GALNT15: variants seen among roughly 807,000 people sequenced by gnomAD.
GALNT15 encodes polypeptide N-acetylgalactosaminyltransferase 15.
Under a neutral mutation model 66.8 loss-of-function variants are expected in GALNT15, and 67 were observed. The observed-to-expected ratio is 1.00, with a 90% CI of 0.82 to 1.23. The LOEUF (loss-of-function observed/expected upper bound fraction) is 1.23, where lower values mean the gene tolerates loss of function less well. GALNT15 is among the 50% of genes most tolerant of loss of function. The pLI is 0.00. For missense variants in GALNT15, 827 were observed against 804.3 expected (o/e 1.03, Z -0.34); for synonymous variants, 313 against 311.5 (o/e 1.00, Z -0.05).
At chr3:16,212,354 G>A (rs1244375293) in intron 5 of GALNT15, among the ~76,000 whole-genome samples, 1 of 151,976 alleles carries the variant, frequency 6.6e-6, no homozygotes, top group Non-Finnish European at 1.5e-5. Context: ...CCCCATTTTG[G>A]GACAACTACC....
chr3:16,237,578 C>T, the GALNT15 span, among the ~76,000 whole-genome samples: 1 of 152,218 alleles, frequency 6.6e-6, no homozygotes, highest in Non-Finnish European at 1.5e-5. The surrounding 1 kb of genome is among the most constrained non-coding windows in gnomAD (Gnocchi z 4.2). Flanking sequence ...AAGGGACAGG[C>T]AGCTGTGCAG....
downstream of GALNT15, among the ~76,000 whole-genome samples, chr3:16,233,092 A>ATTTTTTTT (rs771943641): frequency 4.2e-5 from 2 of 48,074 alleles, no homozygotes; most frequent in African/African-American, 1.8e-4. Flanking sequence ...AGGATAATGC[A>ATTTTTTTT]TCTTTTTTTT....
At position 16,174,784 on chromosome 3, in the gene GALNT15, A is replaced by G; in HGVS notation, c.-368A>G. 2 of 241,618 alleles carry G rather than the reference A, an allele frequency of 8.3e-6. No individual in the cohort carries two copies. Among genetic ancestry groups the G allele is most frequent in the Non-Finnish European group, 1.6e-5 (2 of 122,894 alleles). 15.0% of individuals were successfully genotyped at this position (241,618 alleles called of 1,614,324 possible). ...CATCCCAGACACCTCATAGCAACCT[A>G]TTTATACAAAGGGGGAAAGAAACAC... On this transcript the variant is annotated 5_prime_UTR_variant, in exon 1 of 10. Transcript: ENST00000339732. This position sits in a 1 kb window ranked among gnomAD's most constrained non-coding sequence, Gnocchi z 4.7.
the GALNT15 span, among the ~76,000 whole-genome samples, chr3:16,245,406 C>T: frequency 2.0e-5 from 3 of 152,366 alleles, no homozygotes; most frequent in Non-Finnish European, 4.4e-5. Context: ...GGCTGATGCA[C>T]ATTCAGTCTC....
intron 3 of GALNT15, among the ~76,000 whole-genome samples, chr3:16,201,780 C>G (rs1420638790): frequency 1.3e-5 from 2 of 152,194 alleles, no homozygotes; most frequent in Non-Finnish European, 2.9e-5. Flanking sequence ...CTCTTTCTCA[C>G]TTCCTTGCTC....
chr3:16,187,772 G>C lies in GALNT15; in HGVS notation c.540-7988G>C, dbSNP rs150852555. On this transcript the variant is annotated intron_variant, in intron 1 of 9. Transcript: ENST00000339732. The surrounding 1 kb of genome is among the most constrained non-coding windows in gnomAD (Gnocchi z 5.1). The stretch of plus-strand genomic sequence containing the variant: ...TCCTATTTCAAAGGGCATTTGGGAG[G>C]AATAAATGTAATAATTCTTGTAATA... Among the ~76,000 whole-genome samples the C allele has an allele frequency of 6.6e-6, 1 of 152,316 alleles. No individual in the cohort carries two copies. The highest frequency in any genetic ancestry group is 2.4e-5 in the African/African-American group (1 of 41,562).
At chr3:16,213,922 C>T (rs529314742) in intron 6 of GALNT15, among the ~76,000 whole-genome samples, 1 of 152,350 alleles carries the variant, frequency 6.6e-6, no homozygotes, top group East Asian at 1.9e-4. Context: ...GGAATAGCCT[C>T]CAGGGCCTGG....
rs377393405 is a variant in GALNT15, at chr3:16,199,206, GCA to G, written c.707-1398_707-1397del. On this transcript the variant is annotated intron_variant, in intron 2 of 9. Coordinates refer to ENST00000339732, the MANE Select transcript of GALNT15 (RefSeq NM_054110.5). Reference sequence around the variant, plus strand: ...TCTTGGTGTGTGTGTACACAGACATGCACACACACACACACATGCACTCACAC... The same window carrying G: ...TCTTGGTGTGTGTGTACACAGACATGCACACACACACACATGCACTCACAC... 1.1e-3 allele frequency among the ~76,000 whole-genome samples: 148 copies of G among 138,952 alleles called. 29 individuals are homozygous for G. Among genetic ancestry groups the G allele is most frequent in the Non-Finnish European group, 2.0e-3 (128 of 63,054 alleles). The allele number at this position is 138,952 out of a possible 152,430, so 91.2% of individuals were successfully genotyped here.
chr3:16,208,681 A>C lies in GALNT15; in HGVS notation c.1079+11A>C. On this transcript the variant is annotated intron_variant, in intron 4 of 9. Transcript: ENST00000339732. The stretch of plus-strand genomic sequence containing the variant: ...CATAAGCCCCATCAGGTGAGTCCCC[A>C]TTTCACACCTGCTTTGCCATTGCCT... 1 of 1,610,896 alleles carries C rather than the reference A, an allele frequency of 6.2e-7. No individual in the cohort carries two copies. The highest frequency in any genetic ancestry group is 1.1e-5 in the South Asian group (1 of 90,814).
chr3:16,208,315 A>G (rs2063779092), intron 3 of GALNT15, among the ~76,000 whole-genome samples, 188 bp from the exon 4 acceptor site: 1 of 152,004 alleles, frequency 6.6e-6, no homozygotes, highest in Non-Finnish European at 1.5e-5. Flanking sequence ...TTTTTGCATC[A>G]TTTTTTCCAT....
chr3:16,227,633 T>C lies in GALNT15; in HGVS notation c.*133T>C, dbSNP rs2124909503. 6.6e-7 allele frequency: 1 copy of C among 1,510,332 alleles called. No homozygotes were observed. The highest frequency in any genetic ancestry group is 2.4e-5 in the East Asian group (1 of 41,588). The allele number at this position is 1,510,332 out of a possible 1,614,324, so 93.6% of individuals were successfully genotyped here. A position where few individuals can be genotyped will look rare whatever the true frequency, so the allele number is the denominator to read the frequency against. On this transcript the variant is annotated 3_prime_UTR_variant, in exon 10 of 10. Transcript: ENST00000339732. The surrounding 1 kb of genome is among the most constrained non-coding windows in gnomAD (Gnocchi z 4.5). ...CTGGTGTTAGGAGAGAAAAAAGCTC[T>C]ATGAAAGAATATAGGAAGTTTCTCC...
In GALNT15 at chr3:16,200,478, A is replaced by G; in HGVS notation, c.707-141A>G. On this transcript the variant is annotated intron_variant, in intron 2 of 9. Transcript: ENST00000339732. The surrounding 1 kb of genome is among the most constrained non-coding windows in gnomAD (Gnocchi z 4.4). ...AGCATCTTACATCTCAGCAACAACCACACTGTAGTAATGTTTTCGGTTCTT... is the reference window on the plus strand; with the variant it reads ...AGCATCTTACATCTCAGCAACAACCGCACTGTAGTAATGTTTTCGGTTCTT... 1 of 528,552 alleles carries G rather than the reference A, an allele frequency of 1.9e-6. No individual in the cohort carries two copies. 32.7% of individuals were successfully genotyped at this position (528,552 alleles called of 1,614,324 possible).
chr3:16,232,469 A>AATAAATAAATAAATAAAT (rs1553689248), downstream of GALNT15, among the ~76,000 whole-genome samples: 3 of 38,752 alleles, frequency 7.7e-5, no homozygotes, highest in African/African-American at 1.6e-4. Context: ...TAAATAAATA[A>AATAAATAAATAAATAAAT]ATATATATAT....
rs906731441 is a variant in GALNT15, at chr3:16,196,768, C to T, written c.706+842C>T. Among the ~76,000 whole-genome samples the T allele has an allele frequency of 5.9e-5, 9 of 152,310 alleles. No individual in the cohort carries two copies. The East Asian group carries it at 1.7e-3, about 29-fold the overall frequency. ...TGAGAACCTCTGCTCTAGTCTTTGG[C>T]TTGGGCGTGAGGCCTACATTTCTGG... On this transcript the variant is annotated intron_variant, in intron 2 of 9. Coordinates refer to ENST00000339732, the MANE Select transcript of GALNT15 (RefSeq NM_054110.5).
At chr3:16,217,249 T>C (rs2063889080) in intron 6 of GALNT15, among the ~76,000 whole-genome samples, 1 of 152,250 alleles carries the variant, frequency 6.6e-6, no homozygotes, top group African/African-American at 2.4e-5. Flanking sequence ...TTTTTCTTCT[T>C]ATATCCATTT....
chr3:16,205,233 C>T (rs76624576), intron 3 of GALNT15, among the ~76,000 whole-genome samples: 2 of 152,198 alleles, frequency 1.3e-5, no homozygotes, highest in Non-Finnish European at 1.5e-5. Context: ...ACCAAGAATA[C>T]GCATGAACTT....
At chr3:16,212,908 G>A (rs1385766892) in intron 6 of GALNT15, 145 bp downstream of exon 6, 2 of 680,212 alleles carry the variant, frequency 2.9e-6, no homozygotes, top group Non-Finnish European at 4.8e-6. Flanking sequence ...ATTTTAAGTG[G>A]CTCCTCCACC....
rs1205608506 is a variant in GALNT15 at position 16,181,983 on chromosome 3, G to A, written c.539+6293G>A. Among the ~76,000 whole-genome samples, 4 of 152,096 alleles carry A rather than the reference G, an allele frequency of 2.6e-5. No individual in the cohort carries two copies. The highest frequency in any genetic ancestry group is 4.8e-5 in the African/African-American group (2 of 41,400). On this transcript the variant is annotated intron_variant, in intron 1 of 9. Coordinates refer to ENST00000339732, the MANE Select transcript of GALNT15 (RefSeq NM_054110.5). The surrounding 1 kb of genome is among the most constrained non-coding windows in gnomAD (Gnocchi z 5.9). ...GCGTAGACAGAGCTGACTATATAGCGCCCTTTTTTGGGTCAAATGCATTCA... is the reference window on the plus strand; with the variant it reads ...GCGTAGACAGAGCTGACTATATAGCACCCTTTTTTGGGTCAAATGCATTCA...
chr3:16,176,692 T>C lies in GALNT15; in HGVS notation c.539+1002T>C, dbSNP rs897432697. ...AGCAAGGCAGCTTGTTAGTTTTAGT[T>C]TGGTGATTTAGGTCCCTTTTCCTAT... On this transcript the variant is annotated intron_variant, in intron 1 of 9. Transcript: ENST00000339732. The surrounding 1 kb of genome is among the most constrained non-coding windows in gnomAD (Gnocchi z 5.6). Among the ~76,000 whole-genome samples, 6 of 152,158 alleles carry C rather than the reference T, an allele frequency of 3.9e-5. No individual in the cohort carries two copies. Among genetic ancestry groups the C allele is most frequent in the African/African-American group, 9.7e-5 (4 of 41,426 alleles).
Sources: allele counts gnomAD v4.1 joint callset (sites outside exome capture counted in the v4.1 genomes callset), GRCh38; gene constraint gnomAD v4.1.1; non-coding constraint Gnocchi (gnomAD v3.1); transcripts MANE v1.5; gene names NCBI Gene and HGNC (gene_info 2026-07-23, HGNC 2026-07-21).